Variants in PRPF6 observed in about 807,000 individuals in gnomAD.
PRPF6 encodes the protein pre-mRNA-processing factor 6.
Under a neutral mutation model 118.3 loss-of-function variants are expected in PRPF6, and 42 were observed. The observed-to-expected ratio is 0.35, with a 90% confidence interval of 0.28 to 0.46. PRPF6 has a LOEUF of 0.46. Among genes scored for constraint, PRPF6 ranks in the 20% least tolerant of loss-of-function variants. The probability of loss-of-function intolerance (pLI) is 1.00; values close to 1 mark genes in which losing one functional copy is unlikely to be tolerated. For synonymous variants in PRPF6, 481 were observed against 485.1 expected (o/e 0.99, Z 0.11); for missense variants, 662 against 1,255.7 (o/e 0.53, Z 7.15).
intron 6 of PRPF6, 126 bp downstream of exon 6, chr20:63,995,608 C>G: frequency 8.9e-7 from 1 of 1,125,810 alleles, no homozygotes; most frequent in Admixed American, 2.5e-5. Context: ...TCCTTCTTCT[C>G]CTTCTCCTTT....
chr20:63,997,876 A>C (rs1284723330), intron 6 of PRPF6, among the ~76,000 whole-genome samples: 1 of 151,994 alleles, frequency 6.6e-6, no homozygotes, highest in Non-Finnish European at 1.5e-5. Flanking sequence ...CGCCCCGGCC[A>C]GCATGTTCTC....
chr20:63,981,529 C>G (rs1433874432), intron 1 of PRPF6, among the ~76,000 whole-genome samples: 1 of 152,188 alleles, frequency 6.6e-6, no homozygotes, highest in African/African-American at 2.4e-5. Context: ...TGACTCTCAG[C>G]CCAGTGTTTT....
At chr20:64,030,870 C>T (rs1434534492) in intron 19 of PRPF6, among the ~76,000 whole-genome samples, 3 of 152,226 alleles carry the variant, frequency 2.0e-5, no homozygotes, top group Admixed American at 1.3e-4. Flanking sequence ...AACAGCTGCC[C>T]GGAGTGGAGG....
At chr20:64,008,420 T>TG (rs1435342490) in intron 9 of PRPF6, among the ~76,000 whole-genome samples, 2 of 149,472 alleles carry the variant, frequency 1.3e-5, no homozygotes, top group African/African-American at 4.9e-5. Context: ...AAGCTTTGTG[T>TG]TTTTTTTTTC....
chr20:64,032,774 G>A, intron 20 of PRPF6, 67 bp from the exon 21 acceptor site: 1 of 1,547,758 alleles, frequency 6.5e-7, no homozygotes. Context: ...GGCCAGGCGA[G>A]AAGCAGGCGA....
At chr20:63,997,288 CTTTTTTTTTT>C (rs928046111) in intron 6 of PRPF6, among the ~76,000 whole-genome samples, 4 of 112,714 alleles carry the variant, frequency 3.5e-5, no homozygotes, top group Non-Finnish European at 5.4e-5. Flanking sequence ...TCAGCATGTT[CTTTTTTTTTT>C]TTTTTTTTTT....
Position 64,001,156 on chromosome 20 carries a change from A to G in PRPF6, c.1103A>G (p.His368Arg), listed in dbSNP as rs886056960. 3.7e-6 allele frequency: 6 copies of G among 1,614,094 alleles called. No individual in the cohort carries two copies. Among genetic ancestry groups the G allele is most frequent in the Non-Finnish European group, 5.1e-6 (6 of 1,180,038 alleles). The change falls in exon 9 of 21, where the codon CAT becomes CGT. Residue 368 changes from histidine to arginine, a missense_variant. This residue lies in a region of PRPF6 where 189 missense variants were observed against 323.5 expected (regional missense o/e 0.58). Coordinates refer to ENST00000266079, the MANE Select transcript of PRPF6 (RefSeq NM_012469.4). ...GCCGTGGTAGCCCAAGCTGTCCGTC[A>G]TCTCCCACAGTCTGTCAGGATTTAC... ...AKAVVAQAVR[H>R]LPQSVRIYIR...
chr20:63,982,588 T>C (rs2059075711), intron 1 of PRPF6, among the ~76,000 whole-genome samples: 2 of 152,152 alleles, frequency 1.3e-5, no homozygotes, highest in Admixed American at 1.3e-4. Flanking sequence ...ATGGGAGTCA[T>C]AGTCTGGGAA....
intron 20 of PRPF6, among the ~76,000 whole-genome samples, chr20:64,032,467 G>A (rs982042977): frequency 1.3e-5 from 2 of 152,140 alleles, no homozygotes; most frequent in Non-Finnish European, 2.9e-5. Context: ...GCCAAGCGTT[G>A]TCTGAGCTGT....
chr20:63,992,472 G>T (rs1253901576), intron 3 of PRPF6, among the ~76,000 whole-genome samples: 1 of 151,690 alleles, frequency 6.6e-6, no homozygotes, highest in African/African-American at 2.4e-5. Flanking sequence ...ACATTGGCCA[G>T]GCTTGAACTC....
intron 3 of PRPF6, among the ~76,000 whole-genome samples, chr20:63,986,489 CTTTT>C (rs759745026): frequency 7.2e-6 from 1 of 138,628 alleles, no homozygotes. Context: ...ACCATATGAT[CTTTT>C]TTTTTTTTTT....
In PRPF6 at chr20:64,011,800, TC is replaced by T. The variant is rs1394499031; in HGVS notation, c.1524+298del. ...ACACCTACGAGAGGAGGACAGGAAG[TC>T]TCATGGCTTCTTTCTTTGCTAGTAG... is the stretch of plus-strand genomic sequence containing the variant. On this transcript the variant is annotated intron_variant, in intron 11 of 20. Coordinates refer to ENST00000266079, the MANE Select transcript of PRPF6 (RefSeq NM_012469.4). The surrounding 1 kb of genome is among the most constrained non-coding windows in gnomAD (Gnocchi z 6.7). Among the ~76,000 whole-genome samples, 28 of 120,512 alleles carry T rather than the reference TC, an allele frequency of 2.3e-4. 1 individual carries two copies. The highest frequency in any genetic ancestry group is 9.0e-4 in the African/African-American group (27 of 30,166). The allele number at this position is 120,512 out of a possible 152,430, so 79.1% of individuals were successfully genotyped here.
chr20:63,996,381 C>A (rs1328986216), intron 6 of PRPF6, among the ~76,000 whole-genome samples: 1 of 152,104 alleles, frequency 6.6e-6, no homozygotes, highest in Non-Finnish European at 1.5e-5. Flanking sequence ...ACAATCATGG[C>A]TGGCTACATA....
Position 64,016,759 on chromosome 20 carries a change from A to G in PRPF6, c.1561A>G (p.Thr521Ala). The G allele has an allele frequency of 6.2e-7, 1 of 1,614,048 alleles. No homozygotes were observed. Among genetic ancestry groups the G allele is most frequent in the Non-Finnish European group, 8.5e-7 (1 of 1,179,994 alleles). Reference protein sequence around the residue: ...EECDRAGSVATCQAVMRAVIG... With the variant: ...EECDRAGSVAACQAVMRAVIG... ...ATGTGACAGGGCTGGGAGTGTGGCC[A>G]CCTGCCAGGCCGTCATGCGTGCCGT... The change falls in exon 12 of 21, where the codon ACC becomes GCC. Residue 521 changes from threonine (T) to alanine (A), a missense_variant. Physicochemically the swap from Thr to Ala is moderately conservative, Grantham distance 58. Around this residue, in one of 10 missense-constraint regions of PRPF6, gnomAD observed 189 missense variants for 323.5 expected, o/e 0.58. Transcript: ENST00000266079.
chr20:64,001,728 C>T (rs1169449605), intron 9 of PRPF6, among the ~76,000 whole-genome samples: 2 of 152,212 alleles, frequency 1.3e-5, no homozygotes, highest in Admixed American at 6.5e-5. Context: ...TCTGCTCCCG[C>T]GATGCAGCGT....
chr20:64,023,461 T>C (rs1167033991), intron 13 of PRPF6, among the ~76,000 whole-genome samples: 3 of 152,230 alleles, frequency 2.0e-5, no homozygotes, highest in Admixed American at 2.0e-4. Flanking sequence ...CCACGCACCC[T>C]CTGTCCGTCC....
chr20:64,007,525 G>T (rs1465538859), intron 9 of PRPF6, among the ~76,000 whole-genome samples: 1 of 148,502 alleles, frequency 6.7e-6, no homozygotes, highest in Non-Finnish European at 1.5e-5. Flanking sequence ...GGAGTTCAGT[G>T]GTGCAGTTTT....
At chr20:63,993,726 T>C (rs2059128928) in intron 4 of PRPF6, among the ~76,000 whole-genome samples, 1 of 152,102 alleles carries the variant, frequency 6.6e-6, no homozygotes, top group African/African-American at 2.4e-5. Flanking sequence ...TTTGACTCCA[T>C]TTATACCTAA....
intron 9 of PRPF6, among the ~76,000 whole-genome samples, chr20:64,007,111 A>G (rs1244542402): frequency 2.0e-5 from 3 of 152,212 alleles, no homozygotes; most frequent in African/African-American, 7.2e-5. Context: ...CCCATAGCTT[A>G]GGCAGCTGTG....
Sources: allele counts gnomAD v4.1 joint callset (sites outside exome capture counted in the v4.1 genomes callset), GRCh38; gene constraint gnomAD v4.1.1; regional missense constraint gnomAD v4.1.1; non-coding constraint Gnocchi (gnomAD v3.1); transcripts MANE v1.5; gene names NCBI Gene and HGNC (gene_info 2026-07-23, HGNC 2026-07-21).